SCIN: variants seen among roughly 807,000 people sequenced by gnomAD.
SCIN encodes adseverin.
In SCIN, 91 loss-of-function variants were observed where a neutral mutation model predicts 91.8. The observed-to-expected ratio is 0.99, with a 90% CI of 0.84 to 1.18. The LOEUF is 1.18. Among genes scored for constraint, SCIN ranks in the 50% most tolerant of loss-of-function variants. SCIN has a pLI of 0.00. For synonymous variants in SCIN, 367 were observed against 312.6 expected (o/e 1.17, Z -1.84); for missense variants, 1,087 against 863.9 (o/e 1.26, Z -3.24).
chr7:12,624,429 T>C (rs1045496514), intron 5 of SCIN, among the ~76,000 whole-genome samples: 6 of 152,224 alleles, frequency 3.9e-5, no homozygotes, highest in Non-Finnish European at 8.8e-5. Context: ...TGATAATTTA[T>C]ACAAAGTTTA....
chr7:12,606,064 C>T (rs986344343), intron 4 of SCIN, among the ~76,000 whole-genome samples: 16 of 152,152 alleles, frequency 1.1e-4, no homozygotes, highest in African/African-American at 3.6e-4. Context: ...AAGATGTCTT[C>T]ATACGTATTC....
At chr7:12,632,520 T>C (rs1783667808) in intron 9 of SCIN, among the ~76,000 whole-genome samples, 1 of 152,152 alleles carries the variant, frequency 6.6e-6, no homozygotes, top group Non-Finnish European at 1.5e-5. Context: ...ACTGGGAATG[T>C]GTTGCAATAA....
intron 4 of SCIN, among the ~76,000 whole-genome samples, chr7:12,607,186 T>A (rs1328774643): frequency 6.6e-6 from 1 of 152,198 alleles, no homozygotes; most frequent in Non-Finnish European, 1.5e-5. Context: ...ATTCATTGTG[T>A]CTGATTCCTC....
At chr7:12,617,150 G>A (rs559502076) in intron 4 of SCIN, among the ~76,000 whole-genome samples, 4 of 152,184 alleles carry the variant, frequency 2.6e-5, no homozygotes, top group Non-Finnish European at 5.9e-5. Context: ...GGTTGTATAA[G>A]ACAGAAAGAG....
chr7:12,639,222 G>GC (rs1451615766), intron 10 of SCIN, among the ~76,000 whole-genome samples: 2 of 152,034 alleles, frequency 1.3e-5, no homozygotes, highest in African/African-American at 4.8e-5. Flanking sequence ...TCTCATGTTG[G>GC]CAATTAAAGT....
chr7:12,598,829 A>G (rs1171458360), intron 3 of SCIN, among the ~76,000 whole-genome samples: 1 of 152,188 alleles, frequency 6.6e-6, no homozygotes, highest in African/African-American at 2.4e-5. Context: ...GGATTTCTTG[A>G]ACCTGGAGGC....
chr7:12,625,939 A>T lies in SCIN; in HGVS notation c.981+89A>T, dbSNP rs1028518594. 23 of 838,178 alleles carry T rather than the reference A, an allele frequency of 2.7e-5. No individual in the cohort carries two copies. The African/African-American group carries it at 3.3e-4, about 12-fold the overall frequency. 51.9% of individuals were successfully genotyped at this position (838,178 alleles called of 1,614,324 possible). A position where few individuals can be genotyped will look rare whatever the true frequency, so the allele number is the denominator to read the frequency against. ...GAAACTCATGAAAAAGTTTGGGTCAAAGTAACGTCTGTATGTGAAGTGATT... is the reference window on the plus strand; with the variant it reads ...GAAACTCATGAAAAAGTTTGGGTCATAGTAACGTCTGTATGTGAAGTGATT... On this transcript the variant is annotated intron_variant, in intron 7 of 15. Transcript: ENST00000297029.
At chr7:12,641,044 G>A (rs1306103500) in intron 11 of SCIN, among the ~76,000 whole-genome samples, 1 of 152,106 alleles carries the variant, frequency 6.6e-6, no homozygotes, top group African/African-American at 2.4e-5. Flanking sequence ...TATAGACAAG[G>A]CCAGCCTGCC....
chr7:12,571,484 G>A (rs1456492199), intron 1 of SCIN: 4 of 375,728 alleles, frequency 1.1e-5, no homozygotes, highest in Admixed American at 7.9e-5. Flanking sequence ...TGTTGCTTTC[G>A]GGCACTGGCT....
In SCIN at chr7:12,651,944, A is replaced by G. The variant is rs1784088015; in HGVS notation, c.2020+43A>G. 1 of 1,348,696 alleles carries G rather than the reference A, an allele frequency of 7.4e-7. No individual in the cohort carries two copies. The highest frequency in any genetic ancestry group is 1.0e-6 in the Non-Finnish European group (1 of 957,232). 83.5% of individuals were successfully genotyped at this position (1,348,696 alleles called of 1,614,324 possible). On this transcript the variant is annotated intron_variant, in intron 15 of 15. Coordinates refer to ENST00000297029, the MANE Select transcript of SCIN (RefSeq NM_001112706.3). This position sits in a 1 kb window ranked among gnomAD's most constrained non-coding sequence, Gnocchi z 5.9. ...ACCATTATAGCAGTAACCGGGCACCATTATGACCGAGTGTCTGGCTTGCTC... is the reference window on the plus strand; with the variant it reads ...ACCATTATAGCAGTAACCGGGCACCGTTATGACCGAGTGTCTGGCTTGCTC...
At chr7:12,632,410 C>T (rs1248072537) in intron 9 of SCIN, among the ~76,000 whole-genome samples, 4 of 152,040 alleles carry the variant, frequency 2.6e-5, no homozygotes, top group African/African-American at 9.7e-5. Context: ...AGATTACAGG[C>T]ATGAGCCACT....
At chr7:12,598,901 C>CT (rs1782898579) in intron 3 of SCIN, among the ~76,000 whole-genome samples, 1 of 151,458 alleles carries the variant, frequency 6.6e-6, no homozygotes. Flanking sequence ...AAGCCAGACT[C>CT]TGTCTCAAAA....
rs184003332 is a variant in SCIN, at chr7:12,621,901, T to C, written c.667-900T>C. Among the ~76,000 whole-genome samples, 3 of 152,004 alleles carry C rather than the reference T, an allele frequency of 2.0e-5. No individual in the cohort carries two copies. The East Asian group carries it at 5.8e-4, about 29-fold the overall frequency. Reference sequence around the variant, plus strand: ...TTTTTATGCAATATATTGTAAGGAATAGCGAATATAAAACACATTATGTAA... The same window carrying C: ...TTTTTATGCAATATATTGTAAGGAACAGCGAATATAAAACACATTATGTAA... On this transcript the variant is annotated intron_variant, in intron 4 of 15. Transcript: ENST00000297029.
In SCIN at chr7:12,604,645, ACCC is replaced by A. The variant is rs1169247319; in HGVS notation, c.649_651del (p.Pro217del). On this transcript the variant is annotated inframe_deletion, in exon 4 of 16. Transcript: ENST00000297029. ...TAATTGTCGTGGAAGAAGGAAGTGA[ACCC>A]TCAGAACTTATAAAGGTATTGTGAC... 6.4e-6 allele frequency: 10 copies of A among 1,552,074 alleles called. No homozygotes were observed. Among genetic ancestry groups the A allele is most frequent in the Non-Finnish European group, 8.7e-6 (10 of 1,147,078 alleles).
Position 12,651,109 on chromosome 7 carries a change from G to A in SCIN, c.1960-732G>A, listed in dbSNP as rs1015961907. On this transcript the variant is annotated intron_variant, in intron 14 of 15. Transcript: ENST00000297029. This position sits in a 1 kb window ranked among gnomAD's most constrained non-coding sequence, Gnocchi z 5.9. ...GAATGCAAGAACTAAATAAATGGCT[G>A]GATGGTTGATGCTTTTCTACCATTT... Among the ~76,000 whole-genome samples, 1 of 152,174 alleles carries A rather than the reference G, an allele frequency of 6.6e-6. No homozygotes were observed. Among genetic ancestry groups the A allele is most frequent in the Non-Finnish European group, 1.5e-5 (1 of 68,040 alleles).
At chr7:12,594,587 C>T (rs550018859) in intron 3 of SCIN, among the ~76,000 whole-genome samples, 15 of 152,172 alleles carry the variant, frequency 9.9e-5, no homozygotes, top group Admixed American at 6.5e-4. Flanking sequence ...CCTCTTAGAA[C>T]GGATCCCTGA....
At chr7:12,573,734 A>G (rs948416781) in intron 1 of SCIN, among the ~76,000 whole-genome samples, 18 of 152,176 alleles carry the variant, frequency 1.2e-4, no homozygotes, top group Non-Finnish European at 1.3e-4. Context: ...AACCTAAGGT[A>G]CAAACACTTA....
chr7:12,622,803 C>G lies in SCIN; in HGVS notation c.669C>G (p.Val223=). Reference sequence around the variant, plus strand: ...ATCCACTGCTCACTTTTTTCCAGGTCTTAGGGGAAAAGCCAGAGCTTCCAG... The same window carrying G: ...ATCCACTGCTCACTTTTTTCCAGGTGTTAGGGGAAAAGCCAGAGCTTCCAG... ...EGSEPSELIK[V]LGEKPELPDG... The change falls in exon 5 of 16, where the codon GTC becomes GTG. Residue 223 remains valine (V), a splice_region_variant and synonymous_variant. Transcript: ENST00000297029. The G allele has an allele frequency of 1.2e-6, 2 of 1,611,358 alleles. No individual in the cohort carries two copies. Among genetic ancestry groups the G allele is most frequent in the Non-Finnish European group, 1.7e-6 (2 of 1,178,390 alleles).
In SCIN at chr7:12,615,525, G is replaced by C. The variant is rs114258328; in HGVS notation, c.667-7276G>C. On this transcript the variant is annotated intron_variant, in intron 4 of 15. Coordinates refer to ENST00000297029, the MANE Select transcript of SCIN (RefSeq NM_001112706.3). Reference sequence around the variant, plus strand: ...GAGGCATCCCCAGCCATGCGGAACGGAGAGTCAATTAAACCTTTTTTCTTC... The same window carrying C: ...GAGGCATCCCCAGCCATGCGGAACGCAGAGTCAATTAAACCTTTTTTCTTC... 4.3e-3 allele frequency among the ~76,000 whole-genome samples: 657 copies of C among 152,208 alleles called. 4 individuals are homozygous for C. The highest frequency in any genetic ancestry group is 0.015 in the African/African-American group (630 of 41,542).
Sources: gnomAD v4.1 joint callset for allele counts (sites outside exome capture counted in the v4.1 genomes callset) on GRCh38, gnomAD v4.1.1 for gene constraint, Gnocchi (gnomAD v3.1) non-coding constraint, MANE v1.5 for transcripts, NCBI Gene and HGNC (gene_info 2026-07-23, HGNC 2026-07-21) for gene names.